CADPS2: variants seen among roughly 807,000 people sequenced by gnomAD.
CADPS2 encodes the protein calcium-dependent secretion activator 2.
In CADPS2, 93 loss-of-function variants were observed where a neutral mutation model predicts 172.5. That is an observed-to-expected ratio of 0.54 (90% confidence interval 0.46 to 0.64). The LOEUF (loss-of-function observed/expected upper bound fraction) is 0.64, where lower values mean the gene tolerates loss of function less well. Among genes scored for constraint, CADPS2 ranks in the 30% least tolerant of loss-of-function variants. The pLI is 0.00. For synonymous variants in CADPS2, 546 were observed against 555.2 expected, an observed-to-expected ratio of 0.98 and a Z score of 0.23; for missense variants, 1,420 against 1,565.9, an observed-to-expected ratio of 0.91 and a Z score of 1.57.
chr7:122,764,074 A>G (rs1312972774), intron 1 of CADPS2, among the ~76,000 whole-genome samples: 1 of 151,970 alleles, frequency 6.6e-6, no homozygotes, highest in Non-Finnish European at 1.5e-5. Flanking sequence ...CTCCATTTGG[A>G]GCTCCCTCTG....
At chr7:122,437,560 AG>A (rs2050787175) in intron 17 of CADPS2, among the ~76,000 whole-genome samples, 1 of 152,034 alleles carries the variant, frequency 6.6e-6, no homozygotes, top group African/African-American at 2.4e-5. Context: ...TTTTATTTTC[AG>A]ATAAGTATTT....
chr7:122,733,470 C>T (rs2091873791), intron 2 of CADPS2, among the ~76,000 whole-genome samples: 2 of 129,166 alleles, frequency 1.5e-5, no homozygotes, highest in African/African-American at 5.4e-5. Context: ...ATATGGTTCT[C>T]AAATGACAAT....
Position 122,601,380 on chromosome 7 carries a change from C to T in CADPS2, c.1223+13801G>A, listed in dbSNP as rs545845008. ...ATTTGCTATTTTATAAGCCAAAAGACTTCACATCTTCGCCAACCAGATCCA... is the reference window on the plus strand; with the variant it reads ...ATTTGCTATTTTATAAGCCAAAAGATTTCACATCTTCGCCAACCAGATCCA... On this transcript the variant is annotated intron_variant, in intron 6 of 29. Transcript: ENST00000449022. Among the ~76,000 whole-genome samples, 26 of 152,098 alleles carry T rather than the reference C, an allele frequency of 1.7e-4. 1 individual carries two copies. Among genetic ancestry groups the T allele is most frequent in the African/African-American group, 6.0e-4 (25 of 41,546 alleles).
At chr7:122,715,540 A>G (rs771841667) in intron 2 of CADPS2, among the ~76,000 whole-genome samples, 17 of 152,122 alleles carry the variant, frequency 1.1e-4, no homozygotes, top group Non-Finnish European at 1.6e-4. Flanking sequence ...TCTTTTCTGT[A>G]CACTGTCCAA....
At chr7:122,808,077 T>A (rs926557413) in intron 1 of CADPS2, among the ~76,000 whole-genome samples, 1 of 152,204 alleles carries the variant, frequency 6.6e-6, no homozygotes, top group Admixed American at 6.5e-5. Context: ...TCTACTTCAA[T>A]ACAACTAATA....
chr7:122,698,864 T>C, intron 2 of CADPS2: 1 of 1,611,632 alleles, frequency 6.2e-7, no homozygotes, highest in Middle Eastern at 1.7e-4. Context: ...CTGAACTTCA[T>C]AAGCCAGGAA....
At position 122,462,134 on chromosome 7, in the gene CADPS2, C is replaced by T. The variant is rs114522017; in HGVS notation, c.2186+9241G>A. Among the ~76,000 whole-genome samples, 648 of 151,930 alleles carry T rather than the reference C, an allele frequency of 4.3e-3. 5 individuals carry two copies. The highest frequency in any genetic ancestry group is 0.027 in the Middle Eastern group (8 of 294). On this transcript the variant is annotated intron_variant, in intron 14 of 29. Transcript: ENST00000449022. ...AATTGTTTCTAAATCTAAGCAAATA[C>T]GAAGTACAAAATAAGAAAGATAATA...
At chr7:122,430,694 T>G (rs769597355) in intron 17 of CADPS2, among the ~76,000 whole-genome samples, 1 of 152,198 alleles carries the variant, frequency 6.6e-6, no homozygotes, top group Non-Finnish European at 1.5e-5. Flanking sequence ...ACCCCAAGAT[T>G]AAAAACAGCT....
intron 14 of CADPS2, among the ~76,000 whole-genome samples, chr7:122,454,873 A>G (rs1331267586): frequency 1.3e-5 from 2 of 152,046 alleles, no homozygotes; most frequent in Non-Finnish European, 2.9e-5. Context: ...CCACTGATCC[A>G]CTGATCCCAG....
chr7:122,604,558 G>A (rs1420647568), intron 6 of CADPS2, among the ~76,000 whole-genome samples: 2 of 152,084 alleles, frequency 1.3e-5, no homozygotes, highest in Non-Finnish European at 2.9e-5. Flanking sequence ...AAGTTTGCAT[G>A]TGAAGTATGA....
intron 3 of CADPS2, among the ~76,000 whole-genome samples, chr7:122,637,280 A>G (rs1246519530): frequency 2.2e-5 from 3 of 138,284 alleles, no homozygotes; most frequent in Non-Finnish European, 4.6e-5. Context: ...TGCAGCCTCG[A>G]CCTCCCTGAC....
In CADPS2 at chr7:122,606,292, G is replaced by A. The variant is rs529605112; in HGVS notation, c.1223+8889C>T. ...GAAGGATGACTGTGAAAGGCAGGCT[G>A]AGAATGAGACTGAGCAGAAGACCTT... On this transcript the variant is annotated intron_variant, in intron 6 of 29. Coordinates refer to ENST00000449022, the MANE Select transcript of CADPS2 (RefSeq NM_017954.11). Among the ~76,000 whole-genome samples, 6 of 152,244 alleles carry A rather than the reference G, an allele frequency of 3.9e-5. No homozygotes were observed. In the South Asian group the frequency reaches 6.2e-4, roughly 16 times the overall value.
chr7:122,652,947 T>A (rs1358754160), intron 3 of CADPS2, among the ~76,000 whole-genome samples: 1 of 152,214 alleles, frequency 6.6e-6, no homozygotes, highest in Non-Finnish European at 1.5e-5. Context: ...ATAATTAATA[T>A]GTTACTGGCT....
intron 2 of CADPS2, among the ~76,000 whole-genome samples, chr7:122,674,787 C>T (rs1192073751): frequency 6.6e-6 from 1 of 152,170 alleles, no homozygotes; most frequent in Non-Finnish European, 1.5e-5. Flanking sequence ...AGCATGTGTT[C>T]AGCAAAACGC....
intron 1 of CADPS2, among the ~76,000 whole-genome samples, chr7:122,839,803 G>C (rs1448908420): frequency 1.3e-5 from 2 of 152,192 alleles, no homozygotes; most frequent in Non-Finnish European, 2.9e-5. Flanking sequence ...AGGATGTGGA[G>C]AAATAGGAAC....
At chr7:122,845,988 T>C (rs549176499) in intron 1 of CADPS2, among the ~76,000 whole-genome samples, 12 of 152,306 alleles carry the variant, frequency 7.9e-5, no homozygotes, top group Non-Finnish European at 1.3e-4. Context: ...AGAGGAAAAC[T>C]GAAGCATCTA....
rs1324404518 is a variant in CADPS2 at position 122,630,692 on chromosome 7, CG to C, written c.787-1365del. Among the ~76,000 whole-genome samples the C allele has an allele frequency of 4.6e-5, 7 of 152,010 alleles. 1 individual carries two copies. Among genetic ancestry groups the C allele is most frequent in the Admixed American group, 1.3e-4 (2 of 15,248 alleles). Reference sequence around the variant, plus strand: ...TAGTACAAACAATAGGTCAGAAAGACGGAAGTCTTATTTTGTTTTCTTTAAA... The same window carrying C: ...TAGTACAAACAATAGGTCAGAAAGACGAAGTCTTATTTTGTTTTCTTTAAA... On this transcript the variant is annotated intron_variant, in intron 3 of 29. Coordinates refer to ENST00000449022, the MANE Select transcript of CADPS2 (RefSeq NM_017954.11).
At chr7:122,410,784 T>C (rs886092864) in intron 19 of CADPS2, among the ~76,000 whole-genome samples, 9 of 152,236 alleles carry the variant, frequency 5.9e-5, no homozygotes, top group African/African-American at 2.2e-4. Context: ...ATAAATCTTA[T>C]GTGAGTTTAT....
intron 3 of CADPS2, among the ~76,000 whole-genome samples, chr7:122,658,675 A>G (rs2080125330): frequency 6.6e-6 from 1 of 152,182 alleles, no homozygotes; most frequent in Admixed American, 6.5e-5. Flanking sequence ...CATAGGTGGG[A>G]ATTGAACAAT....
Sources: allele counts gnomAD v4.1 joint callset (sites outside exome capture counted in the v4.1 genomes callset), GRCh38; gene constraint gnomAD v4.1.1; transcripts MANE v1.5; gene names NCBI Gene and HGNC (gene_info 2026-07-23, HGNC 2026-07-21).